Variants in SLC10A7 observed in about 807,000 individuals in gnomAD.
SLC10A7 encodes sodium/bile acid cotransporter 7.
A neutral mutation model predicts 43.2 loss-of-function variants in SLC10A7; 29 were observed. That is an observed-to-expected ratio of 0.67 (90% confidence interval 0.50 to 0.92). The LOEUF is 0.92. Among genes scored for constraint, SLC10A7 ranks in the 40% least tolerant of loss-of-function variants. SLC10A7 has a pLI of 0.00. For synonymous variants in SLC10A7, 152 were observed against 144.8 expected, an observed-to-expected ratio of 1.05 and a Z score of -0.35; for missense variants, 295 against 403.2, an observed-to-expected ratio of 0.73 and a Z score of 2.30.
At chr4:146,288,203 C>A (rs1346575525) in intron 9 of SLC10A7, among the ~76,000 whole-genome samples, 2 of 152,146 alleles carry the variant, frequency 1.3e-5, no homozygotes, top group Admixed American at 1.3e-4. Context: ...TATTCCTCCT[C>A]AATAGGGTTG....
intron 5 of SLC10A7, among the ~76,000 whole-genome samples, chr4:146,418,465 A>G (rs949612446): frequency 1.3e-5 from 2 of 152,222 alleles, no homozygotes; most frequent in African/African-American, 4.8e-5. Context: ...ATCCAAAAGA[A>G]TAATAGGATC....
chr4:146,314,886 C>G (rs1156604164), intron 6 of SLC10A7, among the ~76,000 whole-genome samples: 2 of 152,088 alleles, frequency 1.3e-5, no homozygotes, highest in African/African-American at 4.8e-5. Context: ...GGCTTGAGCT[C>G]ATGACAACAC....
chr4:146,493,210 A>C (rs759584106), intron 4 of SLC10A7, among the ~76,000 whole-genome samples: 2 of 152,244 alleles, frequency 1.3e-5, no homozygotes, highest in Non-Finnish European at 2.9e-5. Flanking sequence ...TATAAACATT[A>C]ATTAGATTAG....
intron 5 of SLC10A7, among the ~76,000 whole-genome samples, chr4:146,376,818 G>A (rs1409023382): frequency 6.6e-6 from 1 of 152,164 alleles, no homozygotes; most frequent in African/African-American, 2.4e-5. Context: ...AACCTGATGC[G>A]TCCACTTTAC....
intron 5 of SLC10A7, among the ~76,000 whole-genome samples, chr4:146,409,119 A>AT (rs1727948648): frequency 6.6e-6 from 1 of 152,140 alleles, no homozygotes; most frequent in African/African-American, 2.4e-5. Flanking sequence ...AGAAGGAGAA[A>AT]TTTTTTAATG....
intron 5 of SLC10A7, among the ~76,000 whole-genome samples, chr4:146,404,142 G>C (rs1739408471): frequency 6.6e-6 from 1 of 152,090 alleles, no homozygotes; most frequent in Non-Finnish European, 1.5e-5. Context: ...TCAGCCTCCT[G>C]ACTAACTGGG....
intron 4 of SLC10A7, among the ~76,000 whole-genome samples, chr4:146,485,652 TA>T (rs1162174754): frequency 6.6e-6 from 1 of 152,132 alleles, no homozygotes; most frequent in African/African-American, 2.4e-5. Flanking sequence ...AAAGCACATA[TA>T]AGTCCAGGTT....
At chr4:146,400,638 T>TAAGA (rs370557823) in intron 5 of SLC10A7, among the ~76,000 whole-genome samples, 14 of 152,276 alleles carry the variant, frequency 9.2e-5, no homozygotes, top group African/African-American at 2.6e-4. Context: ...CTTGAGCTCT[T>TAAGA]GCTAGGGAGC....
intron 4 of SLC10A7, among the ~76,000 whole-genome samples, chr4:146,446,300 G>T (rs1015514517): frequency 2.0e-5 from 3 of 152,068 alleles, no homozygotes; most frequent in Admixed American, 2.0e-4. Context: ...TGACTGGCTG[G>T]GCATGGTGAC....
At chr4:146,440,659 A>G (rs1217349708) in intron 5 of SLC10A7, among the ~76,000 whole-genome samples, 1 of 152,190 alleles carries the variant, frequency 6.6e-6, no homozygotes, top group Middle Eastern at 3.2e-3. Flanking sequence ...GGTTGTTGTA[A>G]CTATGGTGAA....
intron 5 of SLC10A7, among the ~76,000 whole-genome samples, chr4:146,389,091 C>T (rs996700709): frequency 8.5e-5 from 13 of 152,094 alleles, no homozygotes; most frequent in Non-Finnish European, 1.5e-4. Context: ...ATCAAAGCTA[C>T]GTGTTCTTAC....
At chr4:146,492,198 C>T (rs904982189) in intron 4 of SLC10A7, among the ~76,000 whole-genome samples, 73 of 149,694 alleles carry the variant, frequency 4.9e-4, no homozygotes, top group African/African-American at 1.7e-3. Context: ...CCAGCCTGGG[C>T]GACAGAGCGA....
chr4:146,285,965 A>AGTTTGGAGTGGTGAGAAGGACTGT (rs1729886496), intron 9 of SLC10A7, among the ~76,000 whole-genome samples: 1 of 126,788 alleles, frequency 7.9e-6, no homozygotes, highest in African/African-American at 3.1e-5. Context: ...AGAAGGACTG[A>AGTTTGGAGTGGTGAGAAGGACTGT]GTTTGGAGTG....
intron 5 of SLC10A7, among the ~76,000 whole-genome samples, chr4:146,327,218 A>G (rs1053178279): frequency 1.3e-5 from 2 of 152,228 alleles, no homozygotes; most frequent in Non-Finnish European, 2.9e-5. Context: ...GTGAATATCC[A>G]CAGACAGACT....
intron 7 of SLC10A7, among the ~76,000 whole-genome samples, chr4:146,303,568 C>A (rs1731312069): frequency 6.6e-6 from 1 of 151,870 alleles, no homozygotes. Flanking sequence ...TTAATAGAAA[C>A]AGGGTTTCAT....
intron 1 of SLC10A7, among the ~76,000 whole-genome samples, chr4:146,519,780 C>T (rs1458357639): frequency 6.6e-6 from 1 of 152,122 alleles, no homozygotes; most frequent in South Asian, 2.1e-4. Context: ...TAGAGAGAGT[C>T]ACCTGGTATC....
At chr4:146,302,588 C>A (rs1731235550) in intron 7 of SLC10A7, among the ~76,000 whole-genome samples, 1 of 152,084 alleles carries the variant, frequency 6.6e-6, no homozygotes, top group East Asian at 1.9e-4. Flanking sequence ...AAGAAGGCTT[C>A]ATTAAAGAGT....
At chr4:146,284,173 G>C (rs999581478) in intron 9 of SLC10A7, among the ~76,000 whole-genome samples, 4 of 152,096 alleles carry the variant, frequency 2.6e-5, no homozygotes, top group Admixed American at 2.0e-4. Context: ...AGGATATCAG[G>C]ATTTGACTAT....
chr4:146,467,971 G>C (rs1579265600), intron 4 of SLC10A7, among the ~76,000 whole-genome samples: 1 of 152,158 alleles, frequency 6.6e-6, no homozygotes, highest in African/African-American at 2.4e-5. Context: ...AAAGATTAGA[G>C]AGAGGTAGGT....
Sources: gnomAD v4.1 joint callset for allele counts (sites outside exome capture counted in the v4.1 genomes callset) on GRCh38, gnomAD v4.1.1 for gene constraint, MANE v1.5 for transcripts, NCBI Gene and HGNC (gene_info 2026-07-23, HGNC 2026-07-21) for gene names.